Variants in EPB41L2 observed in about 807,000 individuals in gnomAD.
EPB41L2 encodes the protein band 4.1-like protein 2.
A neutral mutation model predicts 113.0 loss-of-function variants in EPB41L2; 43 were observed. That is an observed-to-expected ratio of 0.38 (90% CI 0.30 to 0.49). The LOEUF (loss-of-function observed/expected upper bound fraction) is 0.49, where lower values mean the gene tolerates loss of function less well. EPB41L2 is among the 20% of genes least tolerant of loss of function. The pLI, the probability that EPB41L2 is intolerant of heterozygous loss-of-function variation, is 0.95. For synonymous variants in EPB41L2, 442 were observed against 436.7 expected, an observed-to-expected ratio of 1.01 and a Z score of -0.15; for missense variants, 1,147 against 1,223.4, an observed-to-expected ratio of 0.94 and a Z score of 0.93.
chr6:130,850,429 C>A (rs1778445835), intron 19 of EPB41L2, among the ~76,000 whole-genome samples: 1 of 152,136 alleles, frequency 6.6e-6, no homozygotes, highest in Admixed American at 6.5e-5. Context: ...AGTAAACCAT[C>A]ACTCATCCAT....
intron 16 of EPB41L2, among the ~76,000 whole-genome samples, chr6:130,866,709 A>T (rs1783865736): frequency 6.6e-6 from 1 of 152,268 alleles, no homozygotes; most frequent in African/African-American, 2.4e-5. Flanking sequence ...CAGAAGGTTC[A>T]TCTTCTAAGT....
intron 1 of EPB41L2, among the ~76,000 whole-genome samples, chr6:131,004,264 G>C (rs947587099): frequency 2.0e-5 from 3 of 152,120 alleles, no homozygotes; most frequent in African/African-American, 4.8e-5. Context: ...GGGCACAGTG[G>C]GGGAGTAAGA....
intron 4 of EPB41L2, among the ~76,000 whole-genome samples, chr6:130,918,918 T>C (rs1239664302): frequency 1.3e-5 from 2 of 152,072 alleles, no homozygotes; most frequent in Admixed American, 1.3e-4. Context: ...TAAATTTATG[T>C]GGGGGAAAAA....
At chr6:131,061,782 A>G (rs1656455791) in intron 1 of EPB41L2, among the ~76,000 whole-genome samples, 1 of 152,188 alleles carries the variant, frequency 6.6e-6, no homozygotes, top group South Asian at 2.1e-4. Flanking sequence ...TAAAGAGACC[A>G]GATAAATAAT....
intron 11 of EPB41L2, among the ~76,000 whole-genome samples, chr6:130,887,417 A>T (rs540222253): frequency 8.8e-4 from 134 of 151,848 alleles, no homozygotes; most frequent in African/African-American, 2.9e-3. Context: ...TTTTTTTTTT[A>T]AAAGATAACG....
At chr6:130,888,450 T>C (rs1417023829) in intron 11 of EPB41L2, among the ~76,000 whole-genome samples, 1 of 152,208 alleles carries the variant, frequency 6.6e-6, no homozygotes, top group African/African-American at 2.4e-5. Context: ...CTGCACTAAC[T>C]GCCCATACAA....
intron 1 of EPB41L2, among the ~76,000 whole-genome samples, chr6:131,027,259 C>G (rs988086875): frequency 6.6e-6 from 1 of 152,038 alleles, no homozygotes; most frequent in Non-Finnish European, 1.5e-5. Context: ...TTTCTGCAAG[C>G]CAGAACCATC....
intron 4 of EPB41L2, among the ~76,000 whole-genome samples, chr6:130,923,039 C>G (rs1180442035): frequency 6.6e-6 from 1 of 152,150 alleles, no homozygotes; most frequent in East Asian, 1.9e-4. Context: ...CCCCTACCAA[C>G]CCCCCAGTCG....
At chr6:130,863,165 T>TC (rs1408462692) in intron 18 of EPB41L2, among the ~76,000 whole-genome samples, 2 of 152,098 alleles carry the variant, frequency 1.3e-5, no homozygotes, top group Non-Finnish European at 2.9e-5. Flanking sequence ...TTGTATTACC[T>TC]CCCCTCCCCC....
chr6:130,973,743 C>G (rs1487233719), intron 1 of EPB41L2, among the ~76,000 whole-genome samples: 1 of 152,080 alleles, frequency 6.6e-6, no homozygotes, highest in African/African-American at 2.4e-5. Context: ...CCAGGAAGCC[C>G]CCTCCCCACT....
chr6:130,867,896 G>C (rs1784321987), intron 15 of EPB41L2: 5 of 341,496 alleles, frequency 1.5e-5, no homozygotes, highest in Non-Finnish European at 2.2e-5. Flanking sequence ...TTTAAATTAA[G>C]ATGGTCCCAA....
chr6:130,869,606 T>G lies in EPB41L2; in HGVS notation c.2564A>C (p.His855Pro). Residue 855 changes from histidine to proline, a missense_variant, in exon 15 of 20, where the codon CAT (histidine) becomes CCT (proline). By Grantham distance (77) the His-to-Pro change is moderately conservative (BLOSUM62 -2). Coordinates refer to ENST00000337057, the MANE Select transcript of EPB41L2 (RefSeq NM_001431.4). Reference sequence around the variant, plus strand: ...TTGTGGCAAAACATCAATGTCAACATGGGACACCTCTCCGTTAACTTTCTG... The same window carrying G: ...TTGTGGCAAAACATCAATGTCAACAGGGGACACCTCTCCGTTAACTTTCTG... The part of the protein sequence containing the change: ...EPQKVNGEVS[H>P]VDIDVLPQII... The G allele has an allele frequency of 4.3e-6, 7 of 1,614,196 alleles. No individual in the cohort carries two copies. The highest frequency in any genetic ancestry group is 5.9e-6 in the Non-Finnish European group (7 of 1,180,024).
chr6:130,943,232 A>G (rs748590066), intron 3 of EPB41L2, among the ~76,000 whole-genome samples: 17 of 152,086 alleles, frequency 1.1e-4, no homozygotes, highest in Non-Finnish European at 2.4e-4. Context: ...AAGCGTTCCT[A>G]TTTCTCCACA....
chr6:130,946,883 G>C (rs1813028837), intron 3 of EPB41L2, among the ~76,000 whole-genome samples: 1 of 151,946 alleles, frequency 6.6e-6, no homozygotes, highest in African/African-American at 2.4e-5. Context: ...GGGTACTTTT[G>C]TTGACCAAAG....
At chr6:130,978,367 T>C (rs1201302343) in intron 1 of EPB41L2, among the ~76,000 whole-genome samples, 3 of 152,228 alleles carry the variant, frequency 2.0e-5, no homozygotes, top group African/African-American at 7.2e-5. Flanking sequence ...TTCTGCCTGA[T>C]ACATGATCTG....
chr6:130,899,373 C>G, intron 8 of EPB41L2, 118 bp downstream of exon 8: 1 of 759,508 alleles, frequency 1.3e-6, no homozygotes, highest in Non-Finnish European at 2.2e-6. Context: ...CAGAGACCCT[C>G]AATTGAAAGC....
chr6:130,939,564 A>G (rs1422260066), intron 3 of EPB41L2, among the ~76,000 whole-genome samples: 1 of 152,090 alleles, frequency 6.6e-6, no homozygotes, highest in Non-Finnish European at 1.5e-5. Flanking sequence ...CAAATAACAT[A>G]TTTTAAGGAG....
chr6:130,950,864 A>G (rs912199152), intron 3 of EPB41L2, among the ~76,000 whole-genome samples: 1 of 152,214 alleles, frequency 6.6e-6, no homozygotes, highest in African/African-American at 2.4e-5. Context: ...TTACAACATT[A>G]GCGGGTTAGA....
At chr6:131,059,344 G>T (rs2128208454) in intron 1 of EPB41L2, among the ~76,000 whole-genome samples, 1 of 152,264 alleles carries the variant, frequency 6.6e-6, no homozygotes, top group East Asian at 1.9e-4. Flanking sequence ...TCGATCTCCT[G>T]ACCTCATGAT....
Sources: gnomAD v4.1 joint callset for allele counts (sites outside exome capture counted in the v4.1 genomes callset) on GRCh38, gnomAD v4.1.1 for gene constraint, MANE v1.5 for transcripts, NCBI Gene and HGNC (gene_info 2026-07-23, HGNC 2026-07-21) for gene names.